ATRNL1: variants seen among roughly 807,000 people sequenced by gnomAD.
ATRNL1 encodes the protein attractin-like protein 1.
Under a neutral mutation model 182.7 loss-of-function variants are expected in ATRNL1, and 95 were observed. That is an observed-to-expected ratio of 0.52 (90% CI 0.44 to 0.62). ATRNL1 has a LOEUF of 0.62. ATRNL1 is among the 20% of genes least tolerant of loss of function. The pLI, the probability that ATRNL1 is intolerant of heterozygous loss-of-function variation, is 0.00. For missense variants in ATRNL1, 1,471 were observed against 1,679.5 expected, an observed-to-expected ratio of 0.88 and a Z score of 2.17; for synonymous variants, 576 against 568.3, an observed-to-expected ratio of 1.01 and a Z score of -0.19.
At chr10:115,480,227 C>CACACAG (rs1290492855) in intron 24 of ATRNL1, among the ~76,000 whole-genome samples, 1 of 150,864 alleles carries the variant, frequency 6.6e-6, no homozygotes, top group African/African-American at 2.4e-5. Flanking sequence ...CACACACACA[C>CACACAG]ACACACACAA....
chr10:115,353,095 G>A (rs567431294), intron 19 of ATRNL1, among the ~76,000 whole-genome samples: 1 of 152,264 alleles, frequency 6.6e-6, no homozygotes, highest in Non-Finnish European at 1.5e-5. Flanking sequence ...GGTCTGTAGT[G>A]CATATTAAGT....
rs781927639 is a variant in ATRNL1, at chr10:115,847,979, C to G, written c.4006C>G (p.Pro1336Ala). Residue 1336 changes from proline (P) to alanine (A), a missense_variant, in exon 28 of 29, where the codon CCT becomes GCT. Transcript: ENST00000355044. ...LPRGSSGAPPPGQSGLAIASA... is the reference protein window; with the variant it reads ...LPRGSSGAPPAGQSGLAIASA... ...ACGAGGATCATCAGGTGCCCCTCCC[C>G]CTGGGCAGTCAGGTATGATAAATGA... The G allele has an allele frequency of 1.2e-5, 19 of 1,598,142 alleles. No individual in the cohort carries two copies. Among genetic ancestry groups the G allele is most frequent in the Admixed American group, 5.0e-5 (3 of 59,826 alleles).
At chr10:115,236,461 C>T (rs1850185107) in intron 9 of ATRNL1, among the ~76,000 whole-genome samples, 1 of 152,102 alleles carries the variant, frequency 6.6e-6, no homozygotes, top group African/African-American at 2.4e-5. Context: ...TCATACATTA[C>T]AAAATATTTT....
intron 26 of ATRNL1, among the ~76,000 whole-genome samples, chr10:115,634,379 A>G (rs1223668150): frequency 3.3e-5 from 5 of 152,184 alleles, no homozygotes; most frequent in South Asian, 4.1e-4. Context: ...GGTTCAAACA[A>G]TGGTGATACA....
At chr10:115,178,219 A>G (rs1847611621) in intron 8 of ATRNL1, among the ~76,000 whole-genome samples, 1 of 152,000 alleles carries the variant, frequency 6.6e-6, no homozygotes, top group Non-Finnish European at 1.5e-5. Context: ...CAAGGACGGG[A>G]AATTTTTTGT....
chr10:115,141,046 T>C (rs1554877885), intron 5 of ATRNL1, among the ~76,000 whole-genome samples: 1 of 152,128 alleles, frequency 6.6e-6, no homozygotes, highest in Non-Finnish European at 1.5e-5. Context: ...TTATCCCTGT[T>C]TATAATTATG....
chr10:115,441,067 G>A (rs1292882996), intron 21 of ATRNL1, among the ~76,000 whole-genome samples: 1 of 151,056 alleles, frequency 6.6e-6, no homozygotes, highest in Admixed American at 6.6e-5. Flanking sequence ...GTTTATTATC[G>A]AGGAAAGAAT....
At chr10:115,124,949 AAAAT>A (rs1464500243) in intron 3 of ATRNL1, among the ~76,000 whole-genome samples, 2 of 152,222 alleles carry the variant, frequency 1.3e-5, no homozygotes, top group Admixed American at 6.5e-5. Context: ...ATATAATTTC[AAAAT>A]AAATAACTAA....
intron 20 of ATRNL1, among the ~76,000 whole-genome samples, chr10:115,405,584 G>A (rs1171900524): frequency 6.6e-6 from 1 of 151,952 alleles, no homozygotes; most frequent in Admixed American, 6.6e-5. Context: ...ATAATGTTTT[G>A]AGATTTATCC....
At chr10:115,721,957 G>A (rs1947440437) in intron 26 of ATRNL1, among the ~76,000 whole-genome samples, 1 of 152,116 alleles carries the variant, frequency 6.6e-6, no homozygotes, top group Non-Finnish European at 1.5e-5. Flanking sequence ...ATCTGCTGTG[G>A]CTATTTGACA....
intron 27 of ATRNL1, among the ~76,000 whole-genome samples, chr10:115,812,252 A>G (rs1179244974): frequency 6.6e-6 from 1 of 152,106 alleles, no homozygotes; most frequent in Non-Finnish European, 1.5e-5. Flanking sequence ...TAATTCATCT[A>G]TTTAGACCAT....
chr10:115,248,018 G>T (rs1554904500), intron 10 of ATRNL1, among the ~76,000 whole-genome samples: 3 of 152,134 alleles, frequency 2.0e-5, no homozygotes. Flanking sequence ...TAGAGTCTGA[G>T]GAGGGTGGGG....
At chr10:115,618,408 T>A (rs1214425438) in intron 26 of ATRNL1, among the ~76,000 whole-genome samples, 2 of 152,166 alleles carry the variant, frequency 1.3e-5, no homozygotes, top group Non-Finnish European at 2.9e-5. Flanking sequence ...AATAAGAATT[T>A]TTTATGCAGC....
rs59256867 is a variant in ATRNL1 at position 115,403,257 on chromosome 10, C to CTTTTTTTTTT, written c.3269+8515_3269+8524dup. On this transcript the variant is annotated intron_variant, in intron 20 of 28. Coordinates refer to ENST00000355044, the MANE Select transcript of ATRNL1 (RefSeq NM_207303.4). Reference sequence around the variant, plus strand: ...CTTTATTTTTCCTAATTACTCTCATCTTTTTTTTTTTTTTTTTTTAGTCTG... The same window carrying CTTTTTTTTTT: ...CTTTATTTTTCCTAATTACTCTCATCTTTTTTTTTTTTTTTTTTTTTTTTTTTTTAGTCTG... 5.2e-4 allele frequency among the ~76,000 whole-genome samples: 56 copies of CTTTTTTTTTT among 107,418 alleles called. 2 individuals are homozygous for CTTTTTTTTTT. The highest frequency in any genetic ancestry group is 2.4e-3 in the African/African-American group (49 of 20,380). The allele number at this position is 107,418 out of a possible 152,430, so 70.5% of individuals were successfully genotyped here.
chr10:115,680,242 C>A (rs1946004623), intron 26 of ATRNL1, among the ~76,000 whole-genome samples: 1 of 152,104 alleles, frequency 6.6e-6, no homozygotes, highest in Non-Finnish European at 1.5e-5. Context: ...TTATTTCTCA[C>A]TTCTAAGGCA....
chr10:115,560,623 A>C (rs1374422361), intron 26 of ATRNL1, among the ~76,000 whole-genome samples: 1 of 152,246 alleles, frequency 6.6e-6, no homozygotes, highest in East Asian at 1.9e-4. Context: ...CATGATACTT[A>C]TCCAAATACT....
At chr10:115,843,238 A>G (rs1354778704) in intron 27 of ATRNL1, among the ~76,000 whole-genome samples, 8 of 152,094 alleles carry the variant, frequency 5.3e-5, no homozygotes, top group Admixed American at 4.6e-4. Context: ...ATTGGGAGAC[A>G]TAGGTCCCAA....
chr10:115,842,898 C>T (rs2960676), intron 27 of ATRNL1, among the ~76,000 whole-genome samples: 117,387 of 151,926 alleles, frequency 0.77, 45,445 homozygotes, highest in Admixed American at 0.83. Flanking sequence ...GCTAATAGGA[C>T]TGCTGTTTAG....
rs184915256 is a variant in ATRNL1, at chr10:115,703,416, T to A, written c.3796-23832T>A. On this transcript the variant is annotated intron_variant, in intron 26 of 28. Coordinates refer to ENST00000355044, the MANE Select transcript of ATRNL1 (RefSeq NM_207303.4). ...AAAACAAAAATTGACAAGTCAGATC[T>A]AATTAAACTAAAGAGCTTCTGCACA... Among the ~76,000 whole-genome samples the A allele has an allele frequency of 3.9e-5, 6 of 152,116 alleles. No individual in the cohort carries two copies. The East Asian group carries it at 1.2e-3, about 29-fold the overall frequency.
Sources: gnomAD v4.1 joint callset for allele counts (sites outside exome capture counted in the v4.1 genomes callset) on GRCh38, gnomAD v4.1.1 for gene constraint, MANE v1.5 for transcripts, NCBI Gene and HGNC (gene_info 2026-07-23, HGNC 2026-07-21) for gene names.